The following PRKD1 variants were observed in gnomAD, a reference collection of about 807,000 sequenced individuals.
The protein encoded by PRKD1 is serine/threonine-protein kinase D1.
In PRKD1, 63 loss-of-function variants were observed where a neutral mutation model predicts 95.9. The observed-to-expected ratio is 0.66, with a 90% confidence interval of 0.54 to 0.81. The LOEUF (loss-of-function observed/expected upper bound fraction) is 0.81, where lower values mean the gene tolerates loss of function less well. Among genes scored for constraint, PRKD1 ranks in the 30% least tolerant of loss-of-function variants. PRKD1 has a pLI of 0.00. For synonymous variants in PRKD1, 425 were observed against 423.1 expected (o/e 1.00, Z -0.05); for missense variants, 1,048 against 1,165.3 (o/e 0.90, Z 1.47).
At chr14:29,778,577 G>A (rs1380374523) in intron 1 of PRKD1, among the ~76,000 whole-genome samples, 1 of 152,128 alleles carries the variant, frequency 6.6e-6, no homozygotes, top group Non-Finnish European at 1.5e-5. Context: ...ACCCTCCCAA[G>A]ACTAAACCAG....
At chr14:29,678,106 A>T (rs1009815642) in intron 2 of PRKD1, among the ~76,000 whole-genome samples, 3 of 152,128 alleles carry the variant, frequency 2.0e-5, no homozygotes, top group Admixed American at 6.6e-5. Flanking sequence ...ACTTACTTGG[A>T]TATTTTATAT....
At chr14:29,900,167 T>C (rs543601702) in intron 1 of PRKD1, among the ~76,000 whole-genome samples, 3 of 152,350 alleles carry the variant, frequency 2.0e-5, no homozygotes, top group African/African-American at 7.2e-5. Flanking sequence ...AAGTGTTCCA[T>C]AGATGTTACT....
chr14:29,796,077 A>T (rs1342150581), intron 1 of PRKD1, among the ~76,000 whole-genome samples: 1 of 152,142 alleles, frequency 6.6e-6, no homozygotes, highest in Non-Finnish European at 1.5e-5. Context: ...AAACAAGCAA[A>T]TGATTTATCT....
chr14:29,903,087 G>A (rs10131806), intron 1 of PRKD1, among the ~76,000 whole-genome samples: 12,580 of 152,168 alleles, frequency 0.083, 776 homozygotes, highest in African/African-American at 0.17. Flanking sequence ...CACACTTCAC[G>A]CTGTCAATAA....
intron 1 of PRKD1, among the ~76,000 whole-genome samples, chr14:29,814,021 C>T (rs1443257394): frequency 6.6e-6 from 1 of 152,166 alleles, no homozygotes; most frequent in East Asian, 1.9e-4. Flanking sequence ...TGGGTAATTA[C>T]ATACTAAGGT....
At chr14:29,888,415 C>T (rs956613845) in intron 1 of PRKD1, among the ~76,000 whole-genome samples, 1 of 151,932 alleles carries the variant, frequency 6.6e-6, no homozygotes, top group Non-Finnish European at 1.5e-5. Context: ...GCAAGAAGGC[C>T]TATAGAAAGA....
chr14:29,760,596 G>A (rs554363034), intron 1 of PRKD1, among the ~76,000 whole-genome samples: 21 of 151,728 alleles, frequency 1.4e-4, no homozygotes, highest in African/African-American at 3.9e-4. Context: ...CTCTTGATCC[G>A]CCTGCCTCGG....
chr14:29,810,713 G>A (rs910207613), intron 1 of PRKD1, among the ~76,000 whole-genome samples: 1 of 152,202 alleles, frequency 6.6e-6, no homozygotes, highest in Non-Finnish European at 1.5e-5. Flanking sequence ...ATGCTTCCAG[G>A]TGGCAGGCAC....
At chr14:29,611,434 T>C (rs1878450247) in intron 13 of PRKD1, among the ~76,000 whole-genome samples, 1 of 152,036 alleles carries the variant, frequency 6.6e-6, no homozygotes, top group African/African-American at 2.4e-5. Flanking sequence ...TTAATGCTTG[T>C]ATATGTTTGA....
At chr14:29,870,157 T>C (rs532602370) in intron 1 of PRKD1, among the ~76,000 whole-genome samples, 1 of 152,330 alleles carries the variant, frequency 6.6e-6, no homozygotes, top group East Asian at 1.9e-4. Context: ...TATATTTCAC[T>C]GTAAGATGAG....
intron 1 of PRKD1, among the ~76,000 whole-genome samples, chr14:29,883,031 AT>A (rs1315939271): frequency 6.6e-6 from 1 of 152,178 alleles, no homozygotes; most frequent in Non-Finnish European, 1.5e-5. Flanking sequence ...CTATACAAGC[AT>A]GGTGCTGGCA....
chr14:29,877,651 G>A (rs933235346), intron 1 of PRKD1, among the ~76,000 whole-genome samples: 9 of 152,148 alleles, frequency 5.9e-5, no homozygotes, highest in African/African-American at 2.2e-4. Flanking sequence ...TCCATGATGA[G>A]TTGATTTTTG....
intron 1 of PRKD1, among the ~76,000 whole-genome samples, chr14:29,794,758 C>T (rs1889735166): frequency 6.6e-6 from 1 of 151,896 alleles, no homozygotes; most frequent in Admixed American, 6.6e-5. Context: ...GTCTTCGCTG[C>T]TGTATTTTAT....
chr14:29,580,293 G>GA (rs922007311), intron 16 of PRKD1, among the ~76,000 whole-genome samples: 13 of 152,078 alleles, frequency 8.5e-5, no homozygotes, highest in Admixed American at 8.5e-4. Context: ...AAGTAAAAAT[G>GA]AAAAAATTGT....
chr14:29,907,834 A>G (rs953659853), intron 1 of PRKD1, among the ~76,000 whole-genome samples: 1 of 152,224 alleles, frequency 6.6e-6, no homozygotes, highest in Non-Finnish European at 1.5e-5. Flanking sequence ...TTTTACTACT[A>G]AGGAATTGTT....
At chr14:29,886,377 T>C (rs965423364) in intron 1 of PRKD1, among the ~76,000 whole-genome samples, 35 of 152,170 alleles carry the variant, frequency 2.3e-4, no homozygotes, top group African/African-American at 8.2e-4. Flanking sequence ...TTCTATTCTT[T>C]CCAAACGTAG....
chr14:29,643,547 TAAATTAATGACTCAGCAAGTTTGC>T lies in PRKD1; in HGVS notation c.697-4667_697-4644del, dbSNP rs1880935956. On this transcript the variant is annotated intron_variant, in intron 4 of 17. Coordinates refer to ENST00000331968, the MANE Select transcript of PRKD1 (RefSeq NM_002742.3). The stretch of plus-strand genomic sequence containing the variant: ...GAATTTGTTTTTTAACCTAGTGTGC[TAAATTAATGACTCAGCAAGTTTGC>T]AACCTTCCCAGGAAATGATTGCTTA... Among the ~76,000 whole-genome samples, 3 of 152,220 alleles carry T rather than the reference TAAATTAATGACTCAGCAAGTTTGC, an allele frequency of 2.0e-5. No individual in the cohort carries two copies. The South Asian group carries it at 6.2e-4, about 32-fold the overall frequency.
intron 1 of PRKD1, among the ~76,000 whole-genome samples, chr14:29,746,529 T>TACACACAC (rs139747043): frequency 0.015 from 2,213 of 146,448 alleles, 22 homozygotes; most frequent in Middle Eastern, 0.017. Flanking sequence ...TGTGTACATA[T>TACACACAC]ATACACACAC....
At chr14:29,791,570 T>C (rs1889548416) in intron 1 of PRKD1, among the ~76,000 whole-genome samples, 1 of 152,170 alleles carries the variant, frequency 6.6e-6, no homozygotes, top group African/African-American at 2.4e-5. Flanking sequence ...TCTAAAAATA[T>C]TATGTACTCT....
Sources: allele counts gnomAD v4.1 joint callset (sites outside exome capture counted in the v4.1 genomes callset), GRCh38; gene constraint gnomAD v4.1.1; transcripts MANE v1.5; gene names NCBI Gene and HGNC (gene_info 2026-07-23, HGNC 2026-07-21).